The following TRIM2 variants were observed in gnomAD, a reference collection of about 807,000 sequenced individuals.
TRIM2 encodes tripartite motif containing 2.
TRIM2 carries 20 observed loss-of-function variants against 75.2 expected under a neutral mutation model. The observed-to-expected ratio is 0.27, with a 90% CI of 0.19 to 0.39. The LOEUF is 0.39. TRIM2 is among the 10% of genes least tolerant of loss of function. TRIM2 has a pLI of 1.00. For missense variants in TRIM2, 660 were observed against 990.8 expected, an observed-to-expected ratio of 0.67 and a Z score of 4.48; for synonymous variants, 373 against 388.3, an observed-to-expected ratio of 0.96 and a Z score of 0.46.
chr4:153,336,381 C>G lies in TRIM2; in HGVS notation c.*1415C>G, dbSNP rs1772455861. The G allele has an allele frequency of 1.0e-6, 1 of 981,820 alleles. No individual in the cohort carries two copies. Among genetic ancestry groups the G allele is most frequent in the Non-Finnish European group, 1.2e-6 (1 of 828,362 alleles). The allele number at this position is 981,820 out of a possible 1,614,324, so 60.8% of individuals were successfully genotyped here. On this transcript the variant is annotated 3_prime_UTR_variant, in exon 12 of 12. Transcript: ENST00000338700. ...AAACAAAAAAAAAACCACACACACA[C>G]ATAAAAAACCCAACAGGTCAAAATA...
intron 8 of TRIM2, among the ~76,000 whole-genome samples, chr4:153,316,932 G>A (rs1051629181): frequency 1.2e-4 from 15 of 121,344 alleles, no homozygotes; most frequent in African/African-American, 5.0e-4. Context: ...CCAGTCTGGA[G>A]TGCAGTGGCG....
chr4:153,249,634 C>G (rs1750327515), intron 1 of TRIM2, among the ~76,000 whole-genome samples: 1 of 152,268 alleles, frequency 6.6e-6, no homozygotes, highest in Admixed American at 6.5e-5. Flanking sequence ...CCCGCCCCGG[C>G]CCTGGGGGCC....
intron 1 of TRIM2, among the ~76,000 whole-genome samples, chr4:153,259,943 G>A (rs1752990452): frequency 6.6e-6 from 1 of 152,040 alleles, no homozygotes; most frequent in Admixed American, 6.6e-5. Context: ...TACCTCTTCG[G>A]TCTTCACATT....
intron 1 of TRIM2, among the ~76,000 whole-genome samples, chr4:153,256,792 A>G (rs1422521322): frequency 6.6e-6 from 1 of 152,244 alleles, no homozygotes; most frequent in Admixed American, 6.5e-5. Context: ...CATTAGAACC[A>G]CAAAAAGCAA....
In TRIM2 at chr4:153,315,083, G is replaced by C. The variant is rs556039211; in HGVS notation, c.1511-402G>C. 2.0e-5 allele frequency among the ~76,000 whole-genome samples: 3 copies of C among 152,332 alleles called. No individual in the cohort carries two copies. The South Asian group carries it at 6.2e-4, about 32-fold the overall frequency. ...ACAGAGGCAGAGTGACCAGGGCTGAGAATGTTTATTGCCATGCCCAAGGCA... is the reference window on the plus strand; with the variant it reads ...ACAGAGGCAGAGTGACCAGGGCTGACAATGTTTATTGCCATGCCCAAGGCA... On this transcript the variant is annotated intron_variant, in intron 6 of 11. Coordinates refer to ENST00000338700, the MANE Select transcript of TRIM2 (RefSeq NM_015271.5).
intron 1 of TRIM2, among the ~76,000 whole-genome samples, chr4:153,192,176 A>C (rs189555955): frequency 6.6e-6 from 1 of 152,376 alleles, no homozygotes; most frequent in East Asian, 1.9e-4. Flanking sequence ...GTTTAAGCAC[A>C]GGGCCACAGG....
At chr4:153,191,808 C>A (rs1350179082) in intron 1 of TRIM2, among the ~76,000 whole-genome samples, 2 of 152,152 alleles carry the variant, frequency 1.3e-5, no homozygotes, top group Non-Finnish European at 2.9e-5. Context: ...GTTTAACAAG[C>A]CTTCCTATAG....
At chr4:153,205,040 T>C (rs1735017248) in intron 1 of TRIM2, among the ~76,000 whole-genome samples, 1 of 152,168 alleles carries the variant, frequency 6.6e-6, no homozygotes, top group Non-Finnish European at 1.5e-5. Flanking sequence ...AATAGGTCTA[T>C]TCAGAAATGT....
intron 1 of TRIM2, among the ~76,000 whole-genome samples, chr4:153,242,973 C>T (rs2149852413): frequency 6.6e-6 from 1 of 152,304 alleles, no homozygotes; most frequent in South Asian, 2.1e-4. Context: ...GGGAGGTGAG[C>T]ATGTTGGCAG....
intron 2 of TRIM2, among the ~76,000 whole-genome samples, chr4:153,273,270 C>CATTTTTT (rs1757187818): frequency 7.0e-5 from 4 of 57,390 alleles, no homozygotes; most frequent in African/African-American, 2.8e-4. Flanking sequence ...TACAGTCACT[C>CATTTTTT]TTTTTTTTTT....
At chr4:153,323,743 A>T (rs1769504506) in intron 9 of TRIM2, among the ~76,000 whole-genome samples, 1 of 152,196 alleles carries the variant, frequency 6.6e-6, no homozygotes, top group Non-Finnish European at 1.5e-5. Context: ...AATGACTAAC[A>T]GATACTCAGG....
At chr4:153,180,693 G>T (rs1731964419) in intron 1 of TRIM2, among the ~76,000 whole-genome samples, 2 of 152,216 alleles carry the variant, frequency 1.3e-5, no homozygotes, top group African/African-American at 4.8e-5. Context: ...GGCCAGGTTG[G>T]TCTCCTACTC....
chr4:153,315,434 G>C, intron 6 of TRIM2, 51 bp from the exon 7 acceptor site: 1 of 1,406,734 alleles, frequency 7.1e-7, no homozygotes, highest in Non-Finnish European at 9.7e-7. Context: ...CTGAAACAGA[G>C]AAATCTAACC....
intron 3 of TRIM2, among the ~76,000 whole-genome samples, chr4:153,288,458 T>G (rs1050650240): frequency 6.6e-6 from 1 of 152,098 alleles, no homozygotes; most frequent in African/African-American, 2.4e-5. Context: ...AAAAATCTGC[T>G]TATGGAATAT....
upstream of TRIM2, among the ~76,000 whole-genome samples, chr4:153,202,424 C>T (rs1380891622): frequency 4.6e-5 from 7 of 152,202 alleles, no homozygotes; most frequent in Non-Finnish European, 2.9e-5. Flanking sequence ...AGGCCAGCCG[C>T]GTTGGCTCGT....
At chr4:153,215,217 C>T (rs1023924999) in intron 1 of TRIM2, among the ~76,000 whole-genome samples, 1 of 151,944 alleles carries the variant, frequency 6.6e-6, no homozygotes, top group Non-Finnish European at 1.5e-5. Flanking sequence ...TTGTTTAGAC[C>T]CTGAAGCTGA....
At chr4:153,275,404 G>T (rs1048706880) in intron 2 of TRIM2, among the ~76,000 whole-genome samples, 11 of 152,164 alleles carry the variant, frequency 7.2e-5, no homozygotes, top group Admixed American at 3.9e-4. Context: ...TTATGATTTT[G>T]TACGTAAGAA....
At chr4:153,283,676 T>C (rs965491810) in intron 3 of TRIM2, among the ~76,000 whole-genome samples, 9 of 151,260 alleles carry the variant, frequency 6.0e-5, no homozygotes, top group African/African-American at 1.2e-4. Flanking sequence ...GTTGCTCTTT[T>C]GCCAGGCTGG....
At chr4:153,278,068 A>G (rs1278263304) in intron 3 of TRIM2, among the ~76,000 whole-genome samples, 1 of 152,188 alleles carries the variant, frequency 6.6e-6, no homozygotes, top group Non-Finnish European at 1.5e-5. Context: ...GTAAAGTCTT[A>G]GAAACATTAG....
Sources: gnomAD v4.1 joint callset for allele counts (sites outside exome capture counted in the v4.1 genomes callset) on GRCh38, gnomAD v4.1.1 for gene constraint, MANE v1.5 for transcripts, NCBI Gene and HGNC (gene_info 2026-07-23, HGNC 2026-07-21) for gene names.